The following MAGI2 variants were observed in gnomAD, a reference collection of about 807,000 sequenced individuals.
MAGI2 encodes membrane associated guanylate kinase, WW and PDZ domain containing 2, also known as membrane-associated guanylate kinase, WW and PDZ domain-containing protein 2.
Under a neutral mutation model 133.3 loss-of-function variants are expected in MAGI2, and 35 were observed. That is an observed-to-expected ratio of 0.26 (90% CI 0.20 to 0.35). The LOEUF (loss-of-function observed/expected upper bound fraction) is 0.35. Among genes scored for constraint, MAGI2 ranks in the 10% least tolerant of loss-of-function variants. MAGI2 has a pLI of 1.00. For synonymous variants in MAGI2, 729 were observed against 710.6 expected, an observed-to-expected ratio of 1.03 and a Z score of -0.41; for missense variants, 1,636 against 1,863.4, an observed-to-expected ratio of 0.88 and a Z score of 2.25.
At chr7:78,795,990 G>A (rs1242220106) in intron 2 of MAGI2, among the ~76,000 whole-genome samples, 1 of 152,090 alleles carries the variant, frequency 6.6e-6, no homozygotes, top group African/African-American at 2.4e-5. Context: ...AACTGCAAAT[G>A]AAATACACAC....
At chr7:78,209,158 C>G (rs1162408256) in intron 10 of MAGI2, among the ~76,000 whole-genome samples, 1 of 54,608 alleles carries the variant, frequency 1.8e-5, no homozygotes, top group Non-Finnish European at 3.7e-5. Flanking sequence ...GGAGGCGGAG[C>G]TTGCAGTGAG....
chr7:78,292,407 C>G (rs893223463), intron 9 of MAGI2, among the ~76,000 whole-genome samples: 14 of 152,140 alleles, frequency 9.2e-5, no homozygotes, highest in Non-Finnish European at 1.5e-4. Context: ...AGGAGAACTA[C>G]AAACCACTGC....
intron 2 of MAGI2, among the ~76,000 whole-genome samples, chr7:78,846,976 T>G (rs1184831239): frequency 6.6e-6 from 1 of 151,910 alleles, no homozygotes; most frequent in Non-Finnish European, 1.5e-5. Flanking sequence ...AACCCCAACT[T>G]TCTCCCTTCT....
intron 1 of MAGI2, among the ~76,000 whole-genome samples, chr7:79,443,267 TGTGTGTGTGTGTGTGTGC>T (rs1173309291): frequency 6.0e-5 from 3 of 49,698 alleles, no homozygotes; most frequent in Non-Finnish European, 1.6e-4. Flanking sequence ...GTTTGAAGTG[TGTGTGTGTGTGTGTGTGC>T]GTGTGTGTGT....
intron 1 of MAGI2, among the ~76,000 whole-genome samples, chr7:79,345,072 T>C (rs563146720): frequency 6.6e-6 from 1 of 152,198 alleles, no homozygotes; most frequent in Non-Finnish European, 1.5e-5. Context: ...TGTGTCCTCC[T>C]AAATGCATAT....
At chr7:78,200,242 G>A (rs961810392) in intron 11 of MAGI2, among the ~76,000 whole-genome samples, 8 of 152,126 alleles carry the variant, frequency 5.3e-5, no homozygotes, top group Non-Finnish European at 1.0e-4. Context: ...AGTTAGGGCC[G>A]AGTATTCTAA....
chr7:78,134,717 A>C, intron 17 of MAGI2: 1 of 247,602 alleles, frequency 4.0e-6, no homozygotes, highest in African/African-American at 2.2e-5. Context: ...GACTTAATAT[A>C]ACCATAAAAG....
chr7:78,116,857 G>A (rs534448985), intron 20 of MAGI2, among the ~76,000 whole-genome samples: 14 of 151,788 alleles, frequency 9.2e-5, no homozygotes, highest in Non-Finnish European at 1.6e-4. Flanking sequence ...CAGCCTGAGT[G>A]ACAAAGAAAG....
At chr7:79,220,392 T>C (rs1383318513) in intron 1 of MAGI2, among the ~76,000 whole-genome samples, 1 of 151,890 alleles carries the variant, frequency 6.6e-6, no homozygotes, top group African/African-American at 2.4e-5. Context: ...AAAATGACAA[T>C]ATTTCATTTA....
At chr7:78,619,408 A>G (rs1807474913) in intron 3 of MAGI2, among the ~76,000 whole-genome samples, 1 of 151,974 alleles carries the variant, frequency 6.6e-6, no homozygotes, top group African/African-American at 2.4e-5. Context: ...CTACAATGGA[A>G]CAAAAAACTT....
At chr7:78,762,959 A>T (rs1480607648) in intron 2 of MAGI2, among the ~76,000 whole-genome samples, 1 of 152,130 alleles carries the variant, frequency 6.6e-6, no homozygotes, top group Non-Finnish European at 1.5e-5. Flanking sequence ...GTATGAAAAA[A>T]CTTCTAGCCT....
At chr7:79,051,833 A>T (rs2116994596) in intron 1 of MAGI2, among the ~76,000 whole-genome samples, 1 of 152,250 alleles carries the variant, frequency 6.6e-6, no homozygotes, top group Non-Finnish European at 1.5e-5. Flanking sequence ...TAAGTTTTAA[A>T]CATATTATTT....
intron 1 of MAGI2, among the ~76,000 whole-genome samples, chr7:79,435,129 T>A (rs890082897): frequency 6.6e-6 from 1 of 152,206 alleles, no homozygotes; most frequent in Admixed American, 6.5e-5. Context: ...CTTTCAGAAC[T>A]GTATGAGCAA....
At chr7:79,247,358 T>TA (rs368903592) in intron 1 of MAGI2, among the ~76,000 whole-genome samples, 70 of 152,286 alleles carry the variant, frequency 4.6e-4, no homozygotes, top group African/African-American at 1.6e-3. Context: ...CTCACCCCTG[T>TA]AATCCCAGCA....
chr7:78,169,784 G>A (rs528028286), intron 14 of MAGI2, among the ~76,000 whole-genome samples: 2 of 152,344 alleles, frequency 1.3e-5, no homozygotes, highest in East Asian at 3.9e-4. Flanking sequence ...TAGACTGGCT[G>A]CACAGTGCAG....
At chr7:78,542,195 AC>A (rs1798468450) in intron 3 of MAGI2, among the ~76,000 whole-genome samples, 1 of 152,188 alleles carries the variant, frequency 6.6e-6, no homozygotes, top group Non-Finnish European at 1.5e-5. Context: ...AGCCATTCTT[AC>A]CTTGTTGGCG....
intron 2 of MAGI2, among the ~76,000 whole-genome samples, chr7:78,744,792 G>T (rs1397602285): frequency 6.6e-6 from 1 of 152,148 alleles, no homozygotes; most frequent in Non-Finnish European, 1.5e-5. Context: ...AGACAATTTA[G>T]TCATATAGGC....
intron 2 of MAGI2, among the ~76,000 whole-genome samples, chr7:78,941,729 C>CACACACACAT (rs1800994788): frequency 4.8e-5 from 1 of 21,006 alleles, no homozygotes; most frequent in African/African-American, 3.9e-4. Flanking sequence ...CCTATTTCAT[C>CACACACACAT]ACACACACAC....
intron 3 of MAGI2, among the ~76,000 whole-genome samples, chr7:78,625,917 G>C (rs1353388348): frequency 6.6e-6 from 1 of 152,116 alleles, no homozygotes; most frequent in Non-Finnish European, 1.5e-5. Flanking sequence ...GTAGCATCTA[G>C]GTTTGTGTAG....
Sources: gnomAD v4.1 joint callset for allele counts (sites outside exome capture counted in the v4.1 genomes callset) on GRCh38, gnomAD v4.1.1 for gene constraint, MANE v1.5 for transcripts, NCBI Gene and HGNC (gene_info 2026-07-23, HGNC 2026-07-21) for gene names.